The following ABI3BP variants were observed in gnomAD, a reference collection of about 807,000 sequenced individuals.
ABI3BP encodes the protein target of Nesh-SH3.
ABI3BP carries 216 observed loss-of-function variants against 268.6 expected under a neutral mutation model. The observed-to-expected ratio is 0.80, with a 90% CI of 0.72 to 0.90. ABI3BP has a LOEUF of 0.90. ABI3BP is among the 40% of genes least tolerant of loss of function. The pLI is 0.00. For synonymous variants in ABI3BP, 730 were observed against 730.0 expected, an observed-to-expected ratio of 1.00 and a Z score of 0.00; for missense variants, 2,090 against 2,182.4, an observed-to-expected ratio of 0.96 and a Z score of 0.84.
At position 100,750,184 on chromosome 3, in the gene ABI3BP, T is replaced by C. The variant is rs1036887451; in HGVS notation, c.*311A>G. 10 of 231,932 alleles carry C rather than the reference T, an allele frequency of 4.3e-5. No homozygotes were observed. Among genetic ancestry groups the C allele is most frequent in the Non-Finnish European group, 7.4e-5 (9 of 121,598 alleles). 14.4% of individuals were successfully genotyped at this position (231,932 alleles called of 1,614,324 possible). A position where few individuals can be genotyped will look rare whatever the true frequency, so the allele number is the denominator to read the frequency against. ...TTTGATGTTAATTTTGTTATAAAAG[T>C]ATCTCAAAACATCATTACAACAGTG... On this transcript the variant is annotated 3_prime_UTR_variant, in exon 68 of 68. Transcript: ENST00000471714.
chr3:100,850,764 A>T, intron 15 of ABI3BP, 30 bp from the exon 16 acceptor site: 1 of 1,511,782 alleles, frequency 6.6e-7, no homozygotes, highest in Non-Finnish European at 9.2e-7. Context: ...CATTTGTAAA[A>T]GCAGTAGAAG....
Position 100,850,052 on chromosome 3 carries a change from C to G in ABI3BP, c.1494G>C (p.Thr498=). 1.2e-6 allele frequency: 2 copies of G among 1,611,006 alleles called. No homozygotes were observed. The highest frequency in any genetic ancestry group is 1.7e-4 in the Middle Eastern group (1 of 6,056). Residue 498 remains threonine, a synonymous_variant, in exon 17 of 68, where the codon ACG becomes ACC. Transcript: ENST00000471714. ...EIFTSPEMQP[T]TPAPQQTTSI... The stretch of plus-strand genomic sequence containing the variant: ...ATAAATGTCATTAGTTACCAGGTGT[C>G]GTAGGCTGCATTTCTGGACTGGTAA...
chr3:100,983,139 C>T (rs2090368664), intron 1 of ABI3BP, among the ~76,000 whole-genome samples: 1 of 152,224 alleles, frequency 6.6e-6, no homozygotes, highest in South Asian at 2.1e-4. Flanking sequence ...GAAAGGATAT[C>T]TGAAGCTCCA....
intron 2 of ABI3BP, among the ~76,000 whole-genome samples, chr3:100,906,934 TA>T (rs2053678061): frequency 1.3e-5 from 2 of 152,186 alleles, no homozygotes; most frequent in Non-Finnish European, 2.9e-5. Context: ...TTTCTGCTAT[TA>T]AAGTGTCCAC....
In ABI3BP at chr3:100,834,669, C is replaced by T; in HGVS notation, c.2281+15G>A. 1 of 1,534,556 alleles carries T rather than the reference C, an allele frequency of 6.5e-7. No homozygotes were observed. ...AATGGGATGCCACAGGGACAAGGAA[C>T]CACATATTATTTACCTAGTTTGGTC... On this transcript the variant is annotated intron_variant, in intron 29 of 67. Transcript: ENST00000471714.
intron 2 of ABI3BP, among the ~76,000 whole-genome samples, chr3:100,917,376 A>T (rs767059289): frequency 7.9e-5 from 12 of 152,234 alleles, no homozygotes; most frequent in Non-Finnish European, 1.3e-4. Context: ...AATGTAAAAT[A>T]TTTAAAGGAA....
At chr3:100,812,560 A>G (rs776118380) in intron 45 of ABI3BP, 37 bp from the exon 46 acceptor site, 135 of 1,268,628 alleles carry the variant, frequency 1.1e-4, no homozygotes, top group Non-Finnish European at 1.3e-4. Context: ...TTGATAAAGG[A>G]TAGGTTGTAA....
intron 44 of ABI3BP, among the ~76,000 whole-genome samples, chr3:100,815,132 T>A (rs936959141): frequency 6.6e-6 from 1 of 152,180 alleles, no homozygotes; most frequent in African/African-American, 2.4e-5. Context: ...CTCCTTTATG[T>A]CTTTGAAACT....
intron 1 of ABI3BP, among the ~76,000 whole-genome samples, chr3:100,942,261 C>T (rs143621177): frequency 6.6e-6 from 1 of 152,010 alleles, no homozygotes; most frequent in East Asian, 1.9e-4. Flanking sequence ...AATAACGCTA[C>T]AATTGAGGGA....
chr3:100,905,625 AG>A (rs1392837908), intron 2 of ABI3BP, among the ~76,000 whole-genome samples: 1 of 152,130 alleles, frequency 6.6e-6, no homozygotes, highest in East Asian at 1.9e-4. Context: ...TGAAATAAAC[AG>A]CTGAATTAGT....
chr3:100,947,464 C>A (rs1480515102), intron 1 of ABI3BP, among the ~76,000 whole-genome samples: 2 of 152,134 alleles, frequency 1.3e-5, no homozygotes, highest in Non-Finnish European at 2.9e-5. Flanking sequence ...TGTCTCACAA[C>A]TTTTTATCAG....
chr3:100,829,472 G>GC, intron 33 of ABI3BP, 109 bp downstream of exon 33: 1 of 993,086 alleles, frequency 1.0e-6, no homozygotes, highest in Non-Finnish European at 1.5e-6. Flanking sequence ...GTTCCTCATT[G>GC]CCTAGTCTGA....
Position 100,898,874 on chromosome 3 carries a change from G to A in ABI3BP, c.349C>T (p.Pro117Ser). 6.2e-7 allele frequency: 1 copy of A among 1,611,044 alleles called. No individual in the cohort carries two copies. The highest frequency in any genetic ancestry group is 8.5e-7 in the Non-Finnish European group (1 of 1,178,848). Reference sequence around the variant, plus strand: ...AGAGTGCCAACCACCAGCTGCAGAGGTTTGCGAGAACGAGTTTTACCTGTG... The same window carrying A: ...AGAGTGCCAACCACCAGCTGCAGAGATTTGCGAGAACGAGTTTTACCTGTG... ...SCSGKTRSRK[P>S]LQLVVGTLTP... Residue 117 changes from proline (P) to serine (S), a missense_variant, in exon 4 of 68, where the codon CCT (proline) becomes TCT (serine). Transcript: ENST00000471714.
intron 24 of ABI3BP, among the ~76,000 whole-genome samples, chr3:100,839,156 A>G (rs1503841): frequency 0.7 from 106,500 of 152,112 alleles, 38,299 homozygotes; most frequent in African/African-American, 0.87. Flanking sequence ...ATTTCATGCA[A>G]CTTTTTAAAA....
chr3:100,854,266 C>A (rs527643996), intron 14 of ABI3BP, among the ~76,000 whole-genome samples: 8 of 151,526 alleles, frequency 5.3e-5, no homozygotes, highest in East Asian at 3.9e-4. Context: ...TCGGGAGGCA[C>A]GAGAATCTCT....
At chr3:100,785,787 A>G (rs1293810346) in intron 57 of ABI3BP, among the ~76,000 whole-genome samples, 2 of 152,184 alleles carry the variant, frequency 1.3e-5, no homozygotes, top group African/African-American at 4.8e-5. Context: ...TTTTTCACAG[A>G]TGCCCTTTAT....
chr3:100,843,544 AG>A (rs2098733446), intron 20 of ABI3BP: 6 of 588,204 alleles, frequency 1.0e-5, no homozygotes, highest in African/African-American at 5.0e-5. Flanking sequence ...TGTGTGTGTG[AG>A]AGAGAGAGAG....
intron 63 of ABI3BP, among the ~76,000 whole-genome samples, chr3:100,760,992 C>T (rs1228717887): frequency 6.6e-6 from 1 of 152,070 alleles, no homozygotes; most frequent in African/African-American, 2.4e-5. Flanking sequence ...AGATACAAAG[C>T]CTAGCACTCA....
chr3:100,840,277 G>T, intron 22 of ABI3BP, 113 bp from the exon 23 acceptor site: 2 of 795,064 alleles, frequency 2.5e-6, no homozygotes, highest in Non-Finnish European at 3.7e-6. Context: ...CTGTGGACAT[G>T]TTTCCATCTG....
Sources: allele counts gnomAD v4.1 joint callset (sites outside exome capture counted in the v4.1 genomes callset), GRCh38; gene constraint gnomAD v4.1.1; transcripts MANE v1.5; gene names NCBI Gene and HGNC (gene_info 2026-07-23, HGNC 2026-07-21).